KAZN: variants seen among roughly 807,000 people sequenced by gnomAD.
KAZN encodes the protein kazrin, periplakin interacting protein, also known as kazrin.
Under a neutral mutation model 87.4 loss-of-function variants are expected in KAZN, and 40 were observed. The observed-to-expected ratio is 0.46, with a 90% CI of 0.36 to 0.60. The LOEUF (loss-of-function observed/expected upper bound fraction) is 0.60. KAZN is among the 20% of genes least tolerant of loss of function. KAZN has a pLI of 0.00. For missense variants in KAZN, 898 were observed against 1,073.9 expected, an observed-to-expected ratio of 0.84 and a Z score of 2.29; for synonymous variants, 466 against 458.3, an observed-to-expected ratio of 1.02 and a Z score of -0.22.
chr1:15,092,100 G>A (rs1489101898), intron 8 of KAZN, among the ~76,000 whole-genome samples: 11 of 139,358 alleles, frequency 7.9e-5, no homozygotes, highest in Admixed American at 3.6e-4. Flanking sequence ...TTTGGAGACG[G>A]AGTTTCACTC....
At chr1:14,824,617 A>G (rs1437533188) in intron 1 of KAZN, among the ~76,000 whole-genome samples, 1 of 152,208 alleles carries the variant, frequency 6.6e-6, no homozygotes, top group African/African-American at 2.4e-5. Context: ...AAAAAAAGAT[A>G]TCTAATGCAG....
intron 1 of KAZN, among the ~76,000 whole-genome samples, chr1:14,736,655 G>T (rs1304510724): frequency 6.6e-6 from 1 of 151,920 alleles, no homozygotes; most frequent in African/African-American, 2.4e-5. Context: ...TTTTGCTGCA[G>T]TTGGTCCCCT....
At chr1:13,947,739 C>T (rs561641651) in intron 1 of KAZN, among the ~76,000 whole-genome samples, 4 of 152,246 alleles carry the variant, frequency 2.6e-5, no homozygotes, top group South Asian at 4.1e-4. Flanking sequence ...TTTCTGAGTC[C>T]GTTCTCCTTG....
At chr1:14,665,833 G>A (rs955520191) in intron 1 of KAZN, among the ~76,000 whole-genome samples, 4 of 150,450 alleles carry the variant, frequency 2.7e-5, no homozygotes, top group Non-Finnish European at 5.9e-5. Context: ...TCGGGACAAA[G>A]TCAGCCCCTC....
chr1:14,070,167 CAAA>C lies in KAZN; in HGVS notation c.92-110257_92-110255del, dbSNP rs61327562. Reference sequence around the variant, plus strand: ...TTGGCGACAGTGCGAGACTCCATCTCAAAAAAAAAAAAAGTAAATAAATAAAAT... The same window carrying C: ...TTGGCGACAGTGCGAGACTCCATCTCAAAAAAAAAAGTAAATAAATAAAAT... On this transcript the variant is annotated intron_variant, in intron 1 of 16. Coordinates refer to the KAZN transcript ENST00000636203. Among the ~76,000 whole-genome samples the C allele has an allele frequency of 4.4e-3, 323 of 72,912 alleles. 11 individuals are homozygous for C. The highest frequency in any genetic ancestry group is 0.018 in the African/African-American group (304 of 16,860). 47.8% of individuals were successfully genotyped at this position (72,912 alleles called of 152,430 possible).
At chr1:14,550,728 T>TCC (rs1673450965) in intron 2 of KAZN, among the ~76,000 whole-genome samples, 1 of 83,514 alleles carries the variant, frequency 1.2e-5, no homozygotes. Flanking sequence ...TCTCTCTCTC[T>TCC]CTCTCTCTCT....
chr1:14,059,703 A>G (rs1285590392), intron 1 of KAZN, among the ~76,000 whole-genome samples: 1 of 152,236 alleles, frequency 6.6e-6, no homozygotes, highest in Non-Finnish European at 1.5e-5. Context: ...TAGATATTCT[A>G]AGATACTGTG....
At chr1:14,586,456 T>G (rs1196670446) in intron 2 of KAZN, among the ~76,000 whole-genome samples, 3 of 151,664 alleles carry the variant, frequency 2.0e-5, no homozygotes. Context: ...TTAAATTGTC[T>G]CTCTGGGTCT....
chr1:14,662,991 G>A (rs750793123), intron 1 of KAZN, among the ~76,000 whole-genome samples: 1 of 144,544 alleles, frequency 6.9e-6, no homozygotes, highest in Non-Finnish European at 1.5e-5. Flanking sequence ...ATTTTAGAGA[G>A]GGGGGATCTC....
chr1:14,100,746 G>A (rs1644231360), intron 1 of KAZN, among the ~76,000 whole-genome samples: 1 of 152,160 alleles, frequency 6.6e-6, no homozygotes, highest in South Asian at 2.1e-4. Context: ...AGTAGTTTAG[G>A]CACAGTGAGC....
At chr1:14,167,471 C>A (rs1383832005) in intron 1 of KAZN, among the ~76,000 whole-genome samples, 2 of 152,102 alleles carry the variant, frequency 1.3e-5, no homozygotes, top group African/African-American at 4.8e-5. Flanking sequence ...GTCTGTAATC[C>A]CAGTACTCTG....
intron 1 of KAZN, among the ~76,000 whole-genome samples, chr1:14,935,444 C>G (rs1660340105): frequency 6.8e-6 from 1 of 147,614 alleles, no homozygotes; most frequent in African/African-American, 2.5e-5. Flanking sequence ...GCTGGACCAT[C>G]GATTCTCAAG....
chr1:14,713,593 C>T (rs897053195), intron 1 of KAZN, among the ~76,000 whole-genome samples: 2 of 151,930 alleles, frequency 1.3e-5, no homozygotes, highest in Non-Finnish European at 2.9e-5. Context: ...AAACACTCTT[C>T]AGTACAGAGG....
intron 2 of KAZN, among the ~76,000 whole-genome samples, chr1:14,401,791 TAGTA>T (rs1663431512): frequency 6.6e-6 from 1 of 152,156 alleles, no homozygotes; most frequent in Non-Finnish European, 1.5e-5. Context: ...AATCAATCAT[TAGTA>T]AGCTCCCACA....
At position 14,413,546 on chromosome 1, in the gene KAZN, G is replaced by A. The variant is rs142614876; in HGVS notation, c.250-185437G>A. 9.7e-3 allele frequency among the ~76,000 whole-genome samples: 1,292 copies of A among 133,318 alleles called. 16 individuals carry two copies. Among genetic ancestry groups the A allele is most frequent in the African/African-American group, 0.036 (1,241 of 34,780 alleles). 87.5% of individuals were successfully genotyped at this position (133,318 alleles called of 152,430 possible). ...GGAGCTTGCAGTGAGCCGAGATCGC[G>A]CCACTGCACTCCAGCCTGGGCAACA... On this transcript the variant is annotated intron_variant, in intron 2 of 16. Coordinates refer to the KAZN transcript ENST00000636203.
At chr1:14,394,699 G>A (rs556764836) in intron 2 of KAZN, among the ~76,000 whole-genome samples, 34 of 152,292 alleles carry the variant, frequency 2.2e-4, no homozygotes, top group Admixed American at 2.0e-3. Flanking sequence ...ACTGAAGAAG[G>A]GAGCTAACTC....
chr1:14,467,866 C>G (rs911378737), intron 2 of KAZN, among the ~76,000 whole-genome samples: 2 of 152,094 alleles, frequency 1.3e-5, no homozygotes, highest in Non-Finnish European at 2.9e-5. Flanking sequence ...ACGTAAGCTT[C>G]TTTTTCTCTA....
chr1:15,036,303 C>T (rs1191100555), intron 3 of KAZN, among the ~76,000 whole-genome samples: 1 of 147,206 alleles, frequency 6.8e-6, no homozygotes, highest in African/African-American at 2.5e-5. Flanking sequence ...CCCTGCCCGC[C>T]CAGCTCCCTC....
chr1:13,927,439 C>T (rs1241277686), intron 1 of KAZN, among the ~76,000 whole-genome samples: 2 of 152,126 alleles, frequency 1.3e-5, no homozygotes, highest in Non-Finnish European at 2.9e-5. Context: ...TTTTTCTGCT[C>T]ATCACATCAG....
Sources: allele counts gnomAD v4.1 joint callset (sites outside exome capture counted in the v4.1 genomes callset), GRCh38; gene constraint gnomAD v4.1.1; transcripts MANE v1.5; gene names NCBI Gene and HGNC (gene_info 2026-07-23, HGNC 2026-07-21).